Variants in CFHR5 observed in about 807,000 individuals in gnomAD.
CFHR5 encodes complement factor H-related protein 5.
In CFHR5, 73 loss-of-function variants were observed where a neutral mutation model predicts 62.9. That is an observed-to-expected ratio of 1.16 (90% confidence interval 0.96 to 1.41). CFHR5 has a LOEUF of 1.41. Among genes scored for constraint, CFHR5 ranks in the 40% most tolerant of loss-of-function variants. The pLI, the probability that CFHR5 is intolerant of heterozygous loss-of-function variation, is 0.00. For synonymous variants in CFHR5, 249 were observed against 227.2 expected (o/e 1.10, Z -0.86); for missense variants, 779 against 679.9 (o/e 1.15, Z -1.62).
chr1:196,993,155 A>G (rs1357173320), intron 3 of CFHR5, among the ~76,000 whole-genome samples: 2 of 152,188 alleles, frequency 1.3e-5, no homozygotes, highest in Admixed American at 6.5e-5. Context: ...GTTGAGTATA[A>G]GGGAAAGATT....
At chr1:196,991,338 A>C (rs1653843488) in intron 3 of CFHR5, among the ~76,000 whole-genome samples, 1 of 152,018 alleles carries the variant, frequency 6.6e-6, no homozygotes, top group Non-Finnish European at 1.5e-5. Context: ...GAAGTTTGTT[A>C]TTACCAATCT....
At chr1:197,002,818 G>C (rs1023085845) in intron 8 of CFHR5, among the ~76,000 whole-genome samples, 154 bp downstream of exon 8, 2 of 152,088 alleles carry the variant, frequency 1.3e-5, no homozygotes, top group African/African-American at 2.4e-5. Context: ...ATTTAAAAAA[G>C]TTTCTCTAAG....
At chr1:196,996,251 G>T in intron 6 of CFHR5, 50 bp downstream of exon 6, 1 of 1,425,500 alleles carries the variant, frequency 7.0e-7, no homozygotes. Context: ...CATTTTGATT[G>T]GGATTGTATA....
chr1:196,993,658 AATTTT>A (rs1336434527), intron 3 of CFHR5, among the ~76,000 whole-genome samples: 2 of 152,160 alleles, frequency 1.3e-5, no homozygotes, highest in Non-Finnish European at 2.9e-5. Flanking sequence ...AATATGTTGC[AATTTT>A]ATTTTGTTAC....
intron 2 of CFHR5, 99 bp downstream of exon 2, chr1:196,983,178 A>G: frequency 6.6e-7 from 1 of 1,525,010 alleles, no homozygotes; most frequent in Admixed American, 1.7e-5. Flanking sequence ...AAGGGCAATG[A>G]CCAGAGGAGC....
chr1:196,975,633 T>C (rs968068720), upstream of CFHR5, among the ~76,000 whole-genome samples: 1 of 151,984 alleles, frequency 6.6e-6, no homozygotes. Flanking sequence ...AAAAAATAAA[T>C]GAAGTCATTA....
At chr1:196,979,310 T>C (rs754383191) in intron 1 of CFHR5, among the ~76,000 whole-genome samples, 1 of 150,574 alleles carries the variant, frequency 6.6e-6, no homozygotes. Flanking sequence ...CACTTAATGA[T>C]AGGAAAACGT....
At chr1:197,003,149 C>T (rs916409464) in intron 8 of CFHR5, among the ~76,000 whole-genome samples, 18 of 152,140 alleles carry the variant, frequency 1.2e-4, no homozygotes, top group African/African-American at 3.9e-4. Flanking sequence ...GCATTAGATT[C>T]TCATAAGGAG....
At position 196,995,841 on chromosome 1, in the gene CFHR5, C is replaced by G; in HGVS notation, c.732C>G (p.Asn244Lys). Residue 244 changes from asparagine (N) to lysine (K), a missense_variant, in exon 5 of 10, where the codon AAC becomes AAG. Transcript: ENST00000256785. Reference sequence around the variant, plus strand: ...ATTGCAATCCTAATTTTATAATAAACGGGCCTAAGAAAATACAATGTGTGG... The same window carrying G: ...ATTGCAATCCTAATTTTATAATAAAGGGGCCTAAGAAAATACAATGTGTGG... ...EYDCNPNFII[N>K]GPKKIQCVDG... 3.7e-6 allele frequency: 6 copies of G among 1,612,992 alleles called. No individual in the cohort carries two copies. The highest frequency in any genetic ancestry group is 4.2e-6 in the Non-Finnish European group (5 of 1,179,186).
At chr1:196,981,977 AT>A (rs1174841435) in intron 1 of CFHR5, among the ~76,000 whole-genome samples, 1 of 151,918 alleles carries the variant, frequency 6.6e-6, no homozygotes, top group Non-Finnish European at 1.5e-5. Context: ...TTTAGCTCTA[AT>A]TTTATCTCGG....
chr1:196,999,952 T>C (rs1038250671), intron 7 of CFHR5, among the ~76,000 whole-genome samples: 1 of 151,422 alleles, frequency 6.6e-6, no homozygotes, highest in African/African-American at 2.4e-5. Context: ...TATTTCCAAC[T>C]AATCCAAGAT....
Position 196,982,977 on chromosome 1 carries a change from T to G in CFHR5, c.151T>G (p.Phe51Val). 1 of 1,614,106 alleles carries G rather than the reference T, an allele frequency of 6.2e-7. No homozygotes were observed. Among genetic ancestry groups the G allele is most frequent in the East Asian group, 2.2e-5 (1 of 44,860 alleles). ...PFSQVPTGEV[F>V]YYSCEYNFVS... Reference sequence around the variant, plus strand: ...TTCCCAAGTTCCTACAGGGGAAGTTTTCTATTACTCCTGTGAATATAATTT... The same window carrying G: ...TTCCCAAGTTCCTACAGGGGAAGTTGTCTATTACTCCTGTGAATATAATTT... The change falls in exon 2 of 10, where the codon TTC becomes GTC. Residue 51 changes from phenylalanine (F) to valine (V), a missense_variant. Coordinates refer to ENST00000256785, the MANE Select transcript of CFHR5 (RefSeq NM_030787.4).
upstream of CFHR5, among the ~76,000 whole-genome samples, chr1:196,977,100 C>G (rs1413770891): frequency 6.6e-6 from 1 of 151,844 alleles, no homozygotes; most frequent in Non-Finnish European, 1.5e-5. Context: ...AGCCATTGCG[C>G]CCGGCCAGCA....
rs138105988 is a variant in CFHR5 at position 196,994,243 on chromosome 1, T to C, written c.594T>C (p.Phe198=). The change falls in exon 4 of 10, where the codon TTT becomes TTC. Residue 198 remains phenylalanine, a synonymous_variant. Transcript: ENST00000256785. ...QCYQFGWSPN[F]PTCKGQVRSC... ...ACCAATTTGGGTGGTCACCTAACTT[T>C]CCAACATGCAAAGGTCAGTATTTAT... The C allele has an allele frequency of 3.1e-6, 5 of 1,612,396 alleles. No homozygotes were observed. The Admixed American group carries it at 6.7e-5, about 21-fold the overall frequency.
rs1380143404 is a variant in CFHR5 at position 196,998,208 on chromosome 1, CAT to C, written c.1053_1054del (p.His351GlnfsTer3). 6.2e-7 allele frequency: 1 copy of C among 1,604,328 alleles called. No individual in the cohort carries two copies. Among genetic ancestry groups the C allele is most frequent in the African/African-American group, 1.3e-5 (1 of 74,586 alleles). On this transcript the variant is annotated frameshift_variant, in exon 7 of 10. Transcript: ENST00000256785. LOFTEE classifies it high-confidence loss of function. ...LLKLSGKEFN[H>X]NSRIRYRCSD... ...CAAGCTATCTGGGAAAGAATTTAAT[CAT>C]AATTCTAGAATACGTTACAGATGTT...
chr1:196,990,286 C>T (rs187733892), intron 3 of CFHR5, among the ~76,000 whole-genome samples: 7 of 152,106 alleles, frequency 4.6e-5, no homozygotes, highest in South Asian at 2.1e-4. Context: ...GATAGGTCTC[C>T]GGAATACAGC....
chr1:196,985,543 G>C (rs1285484822), intron 3 of CFHR5, among the ~76,000 whole-genome samples: 1 of 151,738 alleles, frequency 6.6e-6, no homozygotes, highest in East Asian at 1.9e-4. Context: ...TCCAGTGATT[G>C]AAAAGGGTTC....
At chr1:196,998,929 C>T (rs565310554) in intron 7 of CFHR5, among the ~76,000 whole-genome samples, 10 of 152,018 alleles carry the variant, frequency 6.6e-5, no homozygotes, top group African/African-American at 2.4e-4. Flanking sequence ...TTCTCATCAG[C>T]AACGTCAAAA....
rs761951909 is a variant in CFHR5 at position 196,984,126 on chromosome 1, G to T, written c.419G>T (p.Cys140Phe). The change falls in exon 3 of 10, where the codon TGC becomes TTC. Residue 140 changes from cysteine (C) to phenylalanine (F), a missense_variant. Transcript: ENST00000256785. ...VERGWSTPPI[C>F]SFTKGECHVP... ...CGGGGCTGGTCCACTCCTCCCATAT[G>T]CAGCTTCACTAGTAAGCAAAATACC... The T allele has an allele frequency of 7.4e-6, 12 of 1,611,584 alleles. No homozygotes were observed. In the Admixed American group the frequency reaches 1.5e-4, roughly 20 times the overall value.
Sources: gnomAD v4.1 joint callset for allele counts (sites outside exome capture counted in the v4.1 genomes callset) on GRCh38, gnomAD v4.1.1 for gene constraint, MANE v1.5 for transcripts, NCBI Gene and HGNC (gene_info 2026-07-23, HGNC 2026-07-21) for gene names.